The following GLIS1 variants were observed in gnomAD, a reference collection of about 807,000 sequenced individuals.
GLIS1 encodes the protein zinc finger protein GLIS1.
Under a neutral mutation model 63.8 loss-of-function variants are expected in GLIS1, and 24 were observed. The observed-to-expected ratio is 0.38, with a 90% CI of 0.27 to 0.53. The LOEUF (loss-of-function observed/expected upper bound fraction) is 0.53, where lower values mean the gene tolerates loss of function less well. Ranked by LOEUF, GLIS1 falls within the 20% of genes least tolerant of loss-of-function variation. The pLI, the probability that GLIS1 is intolerant of heterozygous loss-of-function variation, is 0.85. For synonymous variants in GLIS1, 450 were observed against 482.5 expected (o/e 0.93, Z 0.88); for missense variants, 1,036 against 1,074.1 (o/e 0.96, Z 0.50).
chr1:53,522,986 C>CTTTTTTTT (rs1553120127), intron 6 of GLIS1, among the ~76,000 whole-genome samples: 65 of 43,682 alleles, frequency 1.5e-3, no homozygotes, highest in African/African-American at 2.8e-3. Context: ...TCTTTTCTTT[C>CTTTTTTTT]TTTTTTTTTT....
chr1:53,584,244 C>T (rs1645112558), intron 4 of GLIS1, among the ~76,000 whole-genome samples: 2 of 152,230 alleles, frequency 1.3e-5, no homozygotes, highest in African/African-American at 4.8e-5. Flanking sequence ...AATTTCCTTA[C>T]ACTAGACCTT....
chr1:53,529,327 G>A (rs958977246), intron 5 of GLIS1, among the ~76,000 whole-genome samples: 1 of 152,182 alleles, frequency 6.6e-6, no homozygotes, highest in Non-Finnish European at 1.5e-5. Context: ...GACCACCCTG[G>A]AGAGCCTCTG....
At chr1:53,729,690 T>C (rs765217308) in intron 2 of GLIS1, among the ~76,000 whole-genome samples, 1 of 152,182 alleles carries the variant, frequency 6.6e-6, no homozygotes. Flanking sequence ...CAGTGAAATA[T>C]CCTGTTTCAT....
intron 2 of GLIS1, among the ~76,000 whole-genome samples, chr1:53,686,347 C>T (rs1281523631): frequency 4.6e-5 from 7 of 152,228 alleles, no homozygotes. Context: ...CCGGCTCAGC[C>T]TACTCCACTT....
chr1:53,508,414 G>A (rs1032120469), intron 10 of GLIS1, among the ~76,000 whole-genome samples: 1 of 152,198 alleles, frequency 6.6e-6, no homozygotes, highest in Non-Finnish European at 1.5e-5. Context: ...GCGGGTCTCA[G>A]GTTCCCCTTT....
chr1:53,683,297 C>T (rs1646296301), intron 2 of GLIS1, among the ~76,000 whole-genome samples: 1 of 152,204 alleles, frequency 6.6e-6, no homozygotes, highest in African/African-American at 2.4e-5. Flanking sequence ...GGCATCCTCA[C>T]ACCGCGTGAA....
chr1:53,554,125 G>A (rs1376454099), intron 4 of GLIS1, among the ~76,000 whole-genome samples: 2 of 152,156 alleles, frequency 1.3e-5, no homozygotes, highest in African/African-American at 4.8e-5. Flanking sequence ...CCACAAGATG[G>A]CACCCATTAC....
rs570135058 is a variant in GLIS1 at position 53,561,964 on chromosome 1, G to A, written c.1321-32012C>T. Among the ~76,000 whole-genome samples the A allele has an allele frequency of 3.3e-5, 5 of 152,336 alleles. No homozygotes were observed. The South Asian group carries it at 8.3e-4, about 25-fold the overall frequency. On this transcript the variant is annotated intron_variant, in intron 4 of 10. Coordinates refer to ENST00000628545, the MANE Select transcript of GLIS1 (RefSeq NM_001367484.1). ...GGTGAGACAGGCTCATTTGTCCACA[G>A]AGCCAGCAAGTGGTGAACCCACAGT...
intron 2 of GLIS1, among the ~76,000 whole-genome samples, chr1:53,634,559 G>A (rs1645702960): frequency 6.6e-6 from 1 of 152,202 alleles, no homozygotes; most frequent in Non-Finnish European, 1.5e-5. Context: ...ATGTGAGGGT[G>A]GAGCGAGGAG....
intron 2 of GLIS1, among the ~76,000 whole-genome samples, chr1:53,601,042 G>T (rs577700869): frequency 8.1e-6 from 1 of 123,426 alleles, no homozygotes; most frequent in South Asian, 3.3e-4. Flanking sequence ...TCTCATCTAC[G>T]GATGAGGGAT....
chr1:53,633,011 AATGAGTGTGACCGAGGGGCATGTGT>A (rs1645680432), intron 2 of GLIS1, among the ~76,000 whole-genome samples: 1 of 100,052 alleles, frequency 1.0e-5, no homozygotes, highest in Admixed American at 1.0e-4. Flanking sequence ...GAGGGGTGTG[AATGAGTGTGACCGAGGGGCATGTGT>A]ATGAGTGTGA....
chr1:53,529,608 G>A (rs1487555062), intron 5 of GLIS1, among the ~76,000 whole-genome samples, 183 bp downstream of exon 5: 1 of 152,148 alleles, frequency 6.6e-6, no homozygotes, highest in African/African-American at 2.4e-5. Context: ...GTGGAGAGAG[G>A]CCAGGGATAA....
intron 2 of GLIS1, among the ~76,000 whole-genome samples, chr1:53,713,193 A>G (rs1646663656): frequency 6.8e-6 from 1 of 147,184 alleles, no homozygotes; most frequent in Non-Finnish European, 1.5e-5. Flanking sequence ...GTGAGACCTC[A>G]TCTCTTCAAG....
chr1:53,573,929 C>T (rs1645008396), intron 4 of GLIS1, among the ~76,000 whole-genome samples: 1 of 152,228 alleles, frequency 6.6e-6, no homozygotes. Context: ...ACAGCATAAA[C>T]AGACACTCAG....
Position 53,539,850 on chromosome 1 carries a change from G to A in GLIS1, c.1321-9898C>T, listed in dbSNP as rs12750235. On this transcript the variant is annotated intron_variant, in intron 4 of 10. Coordinates refer to ENST00000628545, the MANE Select transcript of GLIS1 (RefSeq NM_001367484.1). The surrounding 1 kb of genome is among the most constrained non-coding windows in gnomAD (Gnocchi z 5.0). ...TCTGAGTGGTGGCTGGCCTGGCCTG[G>A]CCTTGGGGACAGCATGCATAGCCTG... Among the ~76,000 whole-genome samples, 56,934 of 151,992 alleles carry A rather than the reference G, an allele frequency of 0.37. 10,825 individuals carry two copies. The highest frequency in any genetic ancestry group is 0.4 in the Admixed American group (6,172 of 15,288).
intron 2 of GLIS1, among the ~76,000 whole-genome samples, chr1:53,656,919 G>T (rs1298467920): frequency 6.6e-6 from 1 of 152,186 alleles, no homozygotes; most frequent in African/African-American, 2.4e-5. Flanking sequence ...TAGTCCTCTG[G>T]GTCTAAGCTA....
intron 5 of GLIS1, among the ~76,000 whole-genome samples, chr1:53,525,319 G>C (rs1381581492): frequency 6.6e-6 from 1 of 150,694 alleles, no homozygotes; most frequent in African/African-American, 2.4e-5. Context: ...ACCCACACAG[G>C]GCCAGGCTAG....
chr1:53,597,816 G>A lies in GLIS1; in HGVS notation c.437+2285C>T, dbSNP rs1014303583. On this transcript the variant is annotated intron_variant, in intron 3 of 10. Transcript: ENST00000628545. ...GGGCACAGCAACTTAGACTGATGCC[G>A]GCGTAGAATTCTACACACAGACTCT... Among the ~76,000 whole-genome samples the A allele has an allele frequency of 1.8e-4, 27 of 152,008 alleles. 1 individual carries two copies. The highest frequency in any genetic ancestry group is 3.7e-4 in the Non-Finnish European group (25 of 67,994).
At chr1:53,637,385 G>T (rs1645737362) in intron 2 of GLIS1, among the ~76,000 whole-genome samples, 1 of 152,198 alleles carries the variant, frequency 6.6e-6, no homozygotes, top group Non-Finnish European at 1.5e-5. Context: ...GTGGGTCCCT[G>T]AGGGTGACAC....
Sources: allele counts gnomAD v4.1 joint callset (sites outside exome capture counted in the v4.1 genomes callset), GRCh38; gene constraint gnomAD v4.1.1; non-coding constraint Gnocchi (gnomAD v3.1); transcripts MANE v1.5; gene names NCBI Gene and HGNC (gene_info 2026-07-23, HGNC 2026-07-21).